LPP: variants seen among roughly 807,000 people sequenced by gnomAD.
LPP encodes the protein LIM domain containing preferred translocation partner in lipoma.
In LPP, 38 loss-of-function variants were observed where a neutral mutation model predicts 60.4. The ratio of observed to expected loss-of-function variants is 0.63; its 90% confidence interval spans 0.49 to 0.83. The LOEUF (loss-of-function observed/expected upper bound fraction) is 0.83, where lower values mean the gene tolerates loss of function less well. Among genes scored for constraint, LPP ranks in the 40% least tolerant of loss-of-function variants. LPP has a pLI of 0.00. For synonymous variants in LPP, 328 were observed against 290.8 expected (o/e 1.13, Z -1.30); for missense variants, 902 against 783.6 (o/e 1.15, Z -1.80).
intron 4 of LPP, among the ~76,000 whole-genome samples, chr3:188,448,198 G>A (rs1328267724): frequency 2.0e-5 from 3 of 152,124 alleles, no homozygotes; most frequent in South Asian, 2.1e-4. Flanking sequence ...GTTGGCAGAC[G>A]TCTTGGGTTC....
At chr3:188,742,056 G>A (rs1013599151) in intron 8 of LPP, among the ~76,000 whole-genome samples, 4 of 152,062 alleles carry the variant, frequency 2.6e-5, no homozygotes, top group Non-Finnish European at 4.4e-5. Context: ...AATGAAAAAT[G>A]CTCAATATAT....
intron 10 of LPP, among the ~76,000 whole-genome samples, chr3:188,869,392 G>A (rs935746391): frequency 9.9e-5 from 15 of 152,164 alleles, no homozygotes; most frequent in African/African-American, 3.1e-4. Flanking sequence ...CCATGTTCAA[G>A]CAATTCTCCT....
Position 188,883,433 on chromosome 3 carries a change from T to G in LPP, c.*8954T>G, listed in dbSNP as rs1264378698. 1 of 199,962 alleles carries G rather than the reference T, an allele frequency of 5.0e-6. No homozygotes were observed. Among genetic ancestry groups the G allele is most frequent in the Non-Finnish European group, 1.0e-5 (1 of 97,234 alleles). 12.4% of individuals were successfully genotyped at this position (199,962 alleles called of 1,614,324 possible). A position where few individuals can be genotyped will look rare whatever the true frequency, so the allele number is the denominator to read the frequency against. On this transcript the variant is annotated 3_prime_UTR_variant, in exon 12 of 12. Coordinates refer to ENST00000617246, the MANE Select transcript of LPP (RefSeq NM_001375462.1). ...TTATCTGACTTGTTGATAATGACCT[T>G]AAAAATGTTAGGAAATGGGCCGGGC... is the stretch of plus-strand genomic sequence containing the variant.
At chr3:188,688,709 A>G (rs1861418077) in intron 7 of LPP, 2 of 448,790 alleles carry the variant, frequency 4.5e-6, no homozygotes. Context: ...CTATTCAGCA[A>G]GCACTTATTA....
At chr3:188,534,790 C>G (rs2150316579) in intron 6 of LPP, among the ~76,000 whole-genome samples, 1 of 152,220 alleles carries the variant, frequency 6.6e-6, no homozygotes, top group African/African-American at 2.4e-5. Flanking sequence ...GATCTCTAGA[C>G]AGAAGGTTGG....
chr3:188,173,362 G>A (rs952891257), intron 1 of LPP, among the ~76,000 whole-genome samples: 4 of 152,052 alleles, frequency 2.6e-5, no homozygotes, highest in African/African-American at 4.8e-5. Context: ...AAATTAGCCG[G>A]GTGTGGTGGC....
chr3:188,286,080 A>G (rs1020590431), intron 2 of LPP, among the ~76,000 whole-genome samples: 1 of 152,170 alleles, frequency 6.6e-6, no homozygotes, highest in Non-Finnish European at 1.5e-5. Flanking sequence ...TGACTTTCCA[A>G]GGGCCCTGGA....
At chr3:188,473,792 G>A (rs755359988) in intron 4 of LPP, among the ~76,000 whole-genome samples, 6 of 152,132 alleles carry the variant, frequency 3.9e-5, no homozygotes, top group Non-Finnish European at 8.8e-5. Flanking sequence ...TACATATACT[G>A]GGTAAGGCTT....
At chr3:188,329,384 G>T (rs1759363339) in intron 2 of LPP, among the ~76,000 whole-genome samples, 1 of 152,148 alleles carries the variant, frequency 6.6e-6, no homozygotes, top group African/African-American at 2.4e-5. Flanking sequence ...TATATAGTTT[G>T]TATATCTTTT....
chr3:188,361,313 G>A (rs907759951), intron 3 of LPP, among the ~76,000 whole-genome samples: 1 of 152,014 alleles, frequency 6.6e-6, no homozygotes, highest in African/African-American at 2.4e-5. Flanking sequence ...CATTTATAGG[G>A]GTCGTAGGGT....
intron 4 of LPP, among the ~76,000 whole-genome samples, chr3:188,414,238 C>T (rs1785588921): frequency 6.6e-6 from 1 of 151,852 alleles, no homozygotes; most frequent in African/African-American, 2.4e-5. Flanking sequence ...ATAAAAAATA[C>T]TTTAATATAG....
At chr3:188,518,220 C>T (rs1443805499) in intron 5 of LPP, among the ~76,000 whole-genome samples, 1 of 152,046 alleles carries the variant, frequency 6.6e-6, no homozygotes, top group Non-Finnish European at 1.5e-5. Flanking sequence ...CACACACTTT[C>T]AAAATTCCTT....
intron 4 of LPP, among the ~76,000 whole-genome samples, chr3:188,439,426 A>C (rs1037379363): frequency 2.6e-5 from 4 of 152,240 alleles, no homozygotes; most frequent in Admixed American, 6.5e-5. Context: ...CTTGGCAGAG[A>C]GTAAAACAAA....
At chr3:188,607,417 A>ATT (rs71169012) in intron 6 of LPP, among the ~76,000 whole-genome samples, 15 of 37,706 alleles carry the variant, frequency 4.0e-4, no homozygotes, top group African/African-American at 1.1e-3. Context: ...ATATATATAT[A>ATT]ATTTTTTTTT....
chr3:188,674,329 G>A (rs531115280), intron 7 of LPP, among the ~76,000 whole-genome samples: 156 of 152,182 alleles, frequency 1.0e-3, no homozygotes, highest in African/African-American at 3.0e-3. Context: ...TTGTAAACAC[G>A]AAAAGTAAAT....
intron 2 of LPP, among the ~76,000 whole-genome samples, chr3:188,267,792 A>G (rs1466347531): frequency 1.3e-5 from 2 of 152,088 alleles, no homozygotes; most frequent in Admixed American, 6.6e-5. Context: ...CCCTTTTAGC[A>G]TGCTCACTTT....
At chr3:188,476,034 T>G (rs1347685358) in intron 4 of LPP, among the ~76,000 whole-genome samples, 2 of 152,108 alleles carry the variant, frequency 1.3e-5, no homozygotes, top group Non-Finnish European at 2.9e-5. Flanking sequence ...CCATTTTCAT[T>G]TTTTTTTCTT....
In LPP at chr3:188,373,226, A is replaced by T. The variant is rs548010098; in HGVS notation, c.-10+31507A>T. On this transcript the variant is annotated intron_variant, in intron 3 of 11. Coordinates refer to ENST00000617246, the MANE Select transcript of LPP (RefSeq NM_001375462.1). ...TAATCCTTTGGGTATAAACCCAGTA[A>T]TGGGATGGCTGGGTCAAATGGTATT... Among the ~76,000 whole-genome samples, 1,011 of 152,334 alleles carry T rather than the reference A, an allele frequency of 6.6e-3. 14 individuals are homozygous for T. Among genetic ancestry groups the T allele is most frequent in the African/African-American group, 0.023 (976 of 41,572 alleles).
intron 3 of LPP, among the ~76,000 whole-genome samples, chr3:188,382,808 C>T (rs1194668495): frequency 7.2e-5 from 11 of 152,126 alleles, no homozygotes; most frequent in Admixed American, 3.3e-4. Context: ...GGGATGTTAA[C>T]GTCTCCTTAA....
Sources: allele counts gnomAD v4.1 joint callset (sites outside exome capture counted in the v4.1 genomes callset), GRCh38; gene constraint gnomAD v4.1.1; transcripts MANE v1.5; gene names NCBI Gene and HGNC (gene_info 2026-07-23, HGNC 2026-07-21).